Variants in LAMC1 observed in about 807,000 individuals in gnomAD.
LAMC1 encodes the protein laminin subunit gamma-1.
A neutral mutation model predicts 173.6 loss-of-function variants in LAMC1; 38 were observed. The ratio of observed to expected loss-of-function variants is 0.22; its 90% CI spans 0.17 to 0.29. LAMC1 has a LOEUF of 0.29. Among genes scored for constraint, LAMC1 ranks in the 10% least tolerant of loss-of-function variants. The pLI is 1.00. For missense variants in LAMC1, 1,824 were observed against 2,051.8 expected, an observed-to-expected ratio of 0.89 and a Z score of 2.14; for synonymous variants, 746 against 749.1, an observed-to-expected ratio of 1.00 and a Z score of 0.07.
intron 1 of LAMC1, among the ~76,000 whole-genome samples, chr1:183,096,148 T>C (rs1471610156): frequency 1.3e-5 from 2 of 152,192 alleles, no homozygotes; most frequent in African/African-American, 4.8e-5. Flanking sequence ...GTTAGTGCTG[T>C]GATCTTATTT....
intron 1 of LAMC1, among the ~76,000 whole-genome samples, chr1:183,100,579 C>T (rs535747313): frequency 6.6e-6 from 1 of 152,304 alleles, no homozygotes; most frequent in South Asian, 2.1e-4. Flanking sequence ...TCTAAGCATT[C>T]CTCATGTCTT....
intron 13 of LAMC1, 97 bp downstream of exon 13, chr1:183,122,348 TCA>T (rs1656500605): frequency 4.4e-6 from 5 of 1,128,972 alleles, no homozygotes; most frequent in Non-Finnish European, 6.5e-6. Flanking sequence ...TGTGTTTGGT[TCA>T]GTTTCAGTGG....
intron 1 of LAMC1, among the ~76,000 whole-genome samples, chr1:183,030,099 C>A (rs555753872): frequency 6.6e-6 from 1 of 152,276 alleles, no homozygotes; most frequent in African/African-American, 2.4e-5. Context: ...GTGAAAATTT[C>A]ATGAAATTCA....
chr1:183,053,669 A>G (rs1654499036), intron 1 of LAMC1, among the ~76,000 whole-genome samples: 2 of 151,892 alleles, frequency 1.3e-5, no homozygotes, highest in African/African-American at 4.8e-5. Flanking sequence ...TCTGTTGCCC[A>G]GGCTGGAGTG....
intron 18 of LAMC1, 158 bp downstream of exon 18, chr1:183,128,908 A>G (rs2102100121): frequency 2.1e-6 from 1 of 477,042 alleles, no homozygotes; most frequent in Non-Finnish European, 3.4e-6. Flanking sequence ...TAATTCAAAA[A>G]GCAACCTGAC....
chr1:183,055,331 TGGC>T lies in LAMC1; in HGVS notation c.418+31199_418+31201del, dbSNP rs1218245074. On this transcript the variant is annotated intron_variant, in intron 1 of 27. Transcript: ENST00000258341. ...ATTTCTCTTCCTAGTGTGTGAAATGTGGCGATAGATGTTTATAACCACTTACTA... is the reference window on the plus strand; with the variant it reads ...ATTTCTCTTCCTAGTGTGTGAAATGTGATAGATGTTTATAACCACTTACTA... 3.3e-5 allele frequency among the ~76,000 whole-genome samples: 5 copies of T among 152,016 alleles called. No individual in the cohort carries two copies. The East Asian group carries it at 9.7e-4, about 29-fold the overall frequency.
At chr1:183,025,320 A>G (rs1278741617) in intron 1 of LAMC1, among the ~76,000 whole-genome samples, 2 of 119,166 alleles carry the variant, frequency 1.7e-5, no homozygotes, top group Non-Finnish European at 3.8e-5. Flanking sequence ...GATTCCAGAG[A>G]AAGAATTGGA....
At chr1:183,044,830 C>G (rs1654224431) in intron 1 of LAMC1, among the ~76,000 whole-genome samples, 1 of 151,726 alleles carries the variant, frequency 6.6e-6, no homozygotes, top group Admixed American at 6.6e-5. Context: ...AGTTAAATAC[C>G]TTTCTTTTTT....
At chr1:183,094,963 A>G (rs1411250270) in intron 1 of LAMC1, among the ~76,000 whole-genome samples, 1 of 152,070 alleles carries the variant, frequency 6.6e-6, no homozygotes. Context: ...CTCCTGCCTC[A>G]GCCTCCTGAG....
chr1:183,115,331 CT>C (rs1480876989), intron 5 of LAMC1, among the ~76,000 whole-genome samples, 188 bp from the exon 6 acceptor site: 4 of 152,146 alleles, frequency 2.6e-5, no homozygotes, highest in African/African-American at 9.7e-5. Flanking sequence ...AATGCCATGA[CT>C]TAAAGGGTCA....
At chr1:183,131,439 GTGTGTGTGTGTGTGTGTGTGTATT>G in intron 20 of LAMC1, 61 bp downstream of exon 20, 1 of 999,880 alleles carries the variant, frequency 1.0e-6, no homozygotes, top group Non-Finnish European at 1.6e-6. Flanking sequence ...GTGTGTGTGT[GTGTGTGTGTGTGTGTGTGTGTATT>G]GTCTTATCCC....
chr1:183,130,679 T>C (rs1656759993), intron 19 of LAMC1, 130 bp downstream of exon 19: 4 of 712,380 alleles, frequency 5.6e-6, no homozygotes, highest in African/African-American at 3.6e-5. Flanking sequence ...TCCCTAAATA[T>C]GGGGCAGAAA....
intron 1 of LAMC1, among the ~76,000 whole-genome samples, chr1:183,094,037 C>T (rs769556588): frequency 2.0e-5 from 3 of 152,186 alleles, no homozygotes; most frequent in Non-Finnish European, 4.4e-5. Flanking sequence ...ATTCAGAGTA[C>T]AAACCAAGTC....
chr1:183,083,120 G>A (rs1170388785), intron 1 of LAMC1, among the ~76,000 whole-genome samples: 1 of 152,178 alleles, frequency 6.6e-6, no homozygotes, highest in Admixed American at 6.5e-5. Flanking sequence ...TGCAAGACAG[G>A]TAAAGAAGAG....
chr1:183,024,269 A>G (rs956653373), intron 1 of LAMC1, 135 bp downstream of exon 1: 1 of 817,016 alleles, frequency 1.2e-6, no homozygotes, highest in African/African-American at 1.7e-5. Flanking sequence ...TGGGCCACAC[A>G]GAAACTCCTT....
chr1:183,086,216 T>A (rs1655422391), intron 1 of LAMC1, among the ~76,000 whole-genome samples: 1 of 152,216 alleles, frequency 6.6e-6, no homozygotes, highest in Non-Finnish European at 1.5e-5. Context: ...CAGTGCAGAA[T>A]CACTGTGCAG....
intron 1 of LAMC1, among the ~76,000 whole-genome samples, chr1:183,097,564 A>T (rs1045647711): frequency 4.6e-5 from 7 of 152,242 alleles, no homozygotes; most frequent in African/African-American, 1.7e-4. Flanking sequence ...GTAGCACATA[A>T]CAGAGGAGCA....
intron 11 of LAMC1, among the ~76,000 whole-genome samples, chr1:183,118,605 C>T (rs1239744087): frequency 2.0e-5 from 3 of 151,992 alleles, no homozygotes; most frequent in Non-Finnish European, 4.4e-5. Flanking sequence ...AGCCTGTAAT[C>T]CCAGCTACTT....
chr1:183,108,712 TGAG>T (rs1656058259), intron 3 of LAMC1, among the ~76,000 whole-genome samples: 1 of 152,230 alleles, frequency 6.6e-6, no homozygotes, highest in Non-Finnish European at 1.5e-5. Flanking sequence ...GTGAAGCACT[TGAG>T]GAAGGGTAAG....
Sources: gnomAD v4.1 joint callset for allele counts (sites outside exome capture counted in the v4.1 genomes callset) on GRCh38, gnomAD v4.1.1 for gene constraint, MANE v1.5 for transcripts, NCBI Gene and HGNC (gene_info 2026-07-23, HGNC 2026-07-21) for gene names.